Variants in MYO7B observed in about 807,000 individuals in gnomAD.
MYO7B encodes the protein myosin VIIB.
A neutral mutation model predicts 259.7 loss-of-function variants in MYO7B; 212 were observed. The observed-to-expected ratio is 0.82, with a 90% CI of 0.73 to 0.91. The LOEUF is 0.91. Among genes scored for constraint, MYO7B ranks in the 40% least tolerant of loss-of-function variants. The pLI, the probability that MYO7B is intolerant of heterozygous loss-of-function variation, is 0.00. For missense variants in MYO7B, 2,732 were observed against 2,813.5 expected (o/e 0.97, Z 0.66); for synonymous variants, 1,197 against 1,166.4 (o/e 1.03, Z -0.54).
At chr2:127,593,091 T>C (rs986231177) in intron 17 of MYO7B, 145 bp downstream of exon 17, 9 of 1,093,902 alleles carry the variant, frequency 8.2e-6, no homozygotes, top group African/African-American at 1.6e-5. Context: ...CCTCCCTCTC[T>C]CCTCCTCCCA....
chr2:127,634,510 G>A, intron 41 of MYO7B, 86 bp from the exon 42 acceptor site: 3 of 1,224,782 alleles, frequency 2.4e-6, no homozygotes, highest in East Asian at 2.5e-5. Flanking sequence ...CAGGCCGTAG[G>A]CGGCCACTGG....
chr2:127,632,872 T>A (rs1262141295), intron 39 of MYO7B, among the ~76,000 whole-genome samples: 2 of 152,182 alleles, frequency 1.3e-5, no homozygotes, highest in African/African-American at 4.8e-5. Flanking sequence ...GGAGTGGCCA[T>A]AATTTCAGTG....
rs376709560 is a variant in MYO7B, at chr2:127,575,383, A to C, written c.736-1212A>C. 5.3e-5 allele frequency among the ~76,000 whole-genome samples: 8 copies of C among 152,294 alleles called. No homozygotes were observed. In the East Asian group the frequency reaches 1.3e-3, roughly 26 times the overall value. On this transcript the variant is annotated intron_variant, in intron 7 of 47. Coordinates refer to ENST00000409816, the MANE Select transcript of MYO7B (RefSeq NM_001393586.1). ...TTGTCACCCAAAATGATACCCTGAAATGGGCAGGAAATTTCTAAAGCAGGT... is the reference window on the plus strand; with the variant it reads ...TTGTCACCCAAAATGATACCCTGAACTGGGCAGGAAATTTCTAAAGCAGGT...
chr2:127,592,929 A>T lies in MYO7B; in HGVS notation c.2128A>T (p.Asn710Tyr). ...FSQRFGVLLP[N>Y]AMRMQLQGKL... ...GCAGAGGTTCGGCGTGTTGCTGCCC[A>T]ACGCCATGCGGATGCAGGTCAGCGC... The change falls in exon 17 of 48, where the codon AAC (asparagine) becomes TAC (tyrosine). Residue 710 changes from asparagine to tyrosine, a missense_variant. Asn to Tyr is a moderately radical substitution (Grantham distance 143). Coordinates refer to ENST00000409816, the MANE Select transcript of MYO7B (RefSeq NM_001393586.1). 6.3e-7 allele frequency: 1 copy of T among 1,598,562 alleles called. No homozygotes were observed. Among genetic ancestry groups the T allele is most frequent in the Non-Finnish European group, 8.5e-7 (1 of 1,173,416 alleles).
intron 39 of MYO7B, 140 bp downstream of exon 39, chr2:127,632,541 G>T: frequency 8.5e-7 from 1 of 1,172,528 alleles, no homozygotes. Context: ...AGGCAGGATT[G>T]GGCCCCGAGC....
Position 127,607,579 on chromosome 2 carries a change from A to G in MYO7B, c.2643+155A>G, listed in dbSNP as rs969722537. ...CAAGCCAAGACGTTAAAATCTGTTC[A>G]ATTACTCAAGAGCACAGCAAGGATA... On this transcript the variant is annotated intron_variant, in intron 21 of 47. Coordinates refer to ENST00000409816, the MANE Select transcript of MYO7B (RefSeq NM_001393586.1). The surrounding 1 kb of genome is among the most constrained non-coding windows in gnomAD (Gnocchi z 4.4). Among the ~76,000 whole-genome samples the G allele has an allele frequency of 1.3e-5, 2 of 151,532 alleles. No individual in the cohort carries two copies. The highest frequency in any genetic ancestry group is 4.9e-5 in the African/African-American group (2 of 41,192).
rs1051530403 is a variant in MYO7B, at chr2:127,615,699, C to G, written c.3398+3096C>G. 6.6e-6 allele frequency among the ~76,000 whole-genome samples: 1 copy of G among 151,920 alleles called. No homozygotes were observed. Among genetic ancestry groups the G allele is most frequent in the African/African-American group, 2.4e-5 (1 of 41,344 alleles). On this transcript the variant is annotated intron_variant, in intron 26 of 47. Transcript: ENST00000409816. This position sits in a 1 kb window ranked among gnomAD's most constrained non-coding sequence, Gnocchi z 4.4. ...GGCCAACATTCTGCTTTTATGAGAA[C>G]AGTTTGCTGTTTGCTCATATAGCCT...
chr2:127,590,211 T>C lies in MYO7B; in HGVS notation c.1974T>C (p.Asn658=). 1 of 1,612,772 alleles carries C rather than the reference T, an allele frequency of 6.2e-7. No homozygotes were observed. The highest frequency in any genetic ancestry group is 8.5e-7 in the Non-Finnish European group (1 of 1,179,748). The part of the protein sequence containing the change: ...QPYFIRCIKP[N]EYKKPLLFDR... The stretch of plus-strand genomic sequence containing the variant: ...ACTTCATCCGCTGCATCAAACCTAA[T>C]GAGTACAAGAAGCCGCTGGTAATGA... The change falls in exon 16 of 48, where the codon AAT becomes AAC. Residue 658 remains asparagine (N), a synonymous_variant. Coordinates refer to ENST00000409816, the MANE Select transcript of MYO7B (RefSeq NM_001393586.1). This position sits in a 1 kb window ranked among gnomAD's most constrained non-coding sequence, Gnocchi z 4.6.
chr2:127,539,331 TG>T lies in MYO7B; in HGVS notation c.-24+3501del, dbSNP rs1692915707. 6.6e-6 allele frequency among the ~76,000 whole-genome samples: 1 copy of T among 152,204 alleles called. No individual in the cohort carries two copies. The highest frequency in any genetic ancestry group is 1.5e-5 in the Non-Finnish European group (1 of 68,034). Reference sequence around the variant, plus strand: ...TGTACATCAGAAAATCCCATATATTTGCTAGGCATAGACACAAAATTTGTTC... The same window carrying T: ...TGTACATCAGAAAATCCCATATATTTCTAGGCATAGACACAAAATTTGTTC... On this transcript the variant is annotated intron_variant, in intron 1 of 47. Transcript: ENST00000409816. This position sits in a 1 kb window ranked among gnomAD's most constrained non-coding sequence, Gnocchi z 4.0.
At chr2:127,578,014 G>C in intron 8 of MYO7B, 119 bp from the exon 9 acceptor site, 2 of 1,192,758 alleles carry the variant, frequency 1.7e-6, no homozygotes, top group South Asian at 3.0e-5. Flanking sequence ...GTTTTTGAGC[G>C]TGGACCCTAC....
chr2:127,596,389 CAG>C (rs1346391529), intron 18 of MYO7B, 71 bp from the exon 19 acceptor site: 1 of 1,244,404 alleles, frequency 8.0e-7, no homozygotes, highest in Admixed American at 1.9e-5. Flanking sequence ...CTTCGGGAGA[CAG>C]AGCCCTGGCC....
At chr2:127,617,492 T>TTTTG (rs1224375077) in intron 26 of MYO7B, among the ~76,000 whole-genome samples, 4 of 123,950 alleles carry the variant, frequency 3.2e-5, no homozygotes, top group African/African-American at 1.3e-4. Flanking sequence ...ACGGGGTTTT[T>TTTTG]TTTTTTTTTT....
At chr2:127,617,487 GTTTT>G (rs35542480) in intron 26 of MYO7B, among the ~76,000 whole-genome samples, 11 of 84,826 alleles carry the variant, frequency 1.3e-4, no homozygotes, top group African/African-American at 2.1e-4. Flanking sequence ...TTGTAACGGG[GTTTT>G]TTTTTTTTTT....
chr2:127,636,766 C>T lies in MYO7B; in HGVS notation c.6208-28C>T, dbSNP rs538288766. ...CACAGAGCCCGTGCTCTGGAGGCGT[C>T]CGGCCCACCCACCCTCTCTGCCCCC... On this transcript the variant is annotated intron_variant, in intron 46 of 47. Coordinates refer to ENST00000409816, the MANE Select transcript of MYO7B (RefSeq NM_001393586.1). This position sits in a 1 kb window ranked among gnomAD's most constrained non-coding sequence, Gnocchi z 4.5. 7.9e-5 allele frequency: 128 copies of T among 1,612,664 alleles called. No individual in the cohort carries two copies. Among genetic ancestry groups the T allele is most frequent in the Non-Finnish European group, 1.1e-4 (124 of 1,179,628 alleles).
At chr2:127,624,483 C>G (rs1478474513) in intron 30 of MYO7B, among the ~76,000 whole-genome samples, 163 bp downstream of exon 30, 2 of 152,228 alleles carry the variant, frequency 1.3e-5, no homozygotes, top group Admixed American at 1.3e-4. Flanking sequence ...GTTTCCTCCT[C>G]CCTTAGGCCA....
chr2:127,582,351 C>T lies in MYO7B; in HGVS notation c.1248C>T (p.Ala416=), dbSNP rs191641620. Residue 416 remains alanine, a synonymous_variant, in exon 12 of 48, where the codon GCC becomes GCT. Coordinates refer to ENST00000409816, the MANE Select transcript of MYO7B (RefSeq NM_001393586.1). ...TGTGGATTGTCAAGAAGATCAATGC[C>T]GCCATCTTCACACCACCAGCCCAGG... The part of the protein sequence containing the change: ...LFLWIVKKIN[A]AIFTPPAQDP... 23 of 1,613,332 alleles carry T rather than the reference C, an allele frequency of 1.4e-5. No homozygotes were observed. The East Asian group carries it at 1.6e-4, about 11-fold the overall frequency.
At position 127,633,436 on chromosome 2, in the gene MYO7B, C is replaced by T; in HGVS notation, c.5511+73C>T. The T allele has an allele frequency of 2.8e-6, 4 of 1,440,008 alleles. No individual in the cohort carries two copies. In the South Asian group the frequency reaches 4.8e-5, roughly 17 times the overall value. The allele number at this position is 1,440,008 out of a possible 1,614,324, so 89.2% of individuals were successfully genotyped here. On this transcript the variant is annotated intron_variant, in intron 40 of 47. Coordinates refer to ENST00000409816, the MANE Select transcript of MYO7B (RefSeq NM_001393586.1). ...CCATGGGGCATCCTCCTTCCTGGCC[C>T]AGCCTGCTCCTTGGTAACCCCAGAG... is the stretch of plus-strand genomic sequence containing the variant.
rs1281630389 is a variant in MYO7B at position 127,608,883 on chromosome 2, C to T, written c.2814+5C>T. ...CAGGCCTCGCCGCACTTTGAGGTAA[C>T]ACAAGCCTGGTGTCCACAATCCGCC... On this transcript the variant is annotated splice_donor_5th_base_variant and intron_variant, in intron 22 of 47. Coordinates refer to ENST00000409816, the MANE Select transcript of MYO7B (RefSeq NM_001393586.1). 6.2e-7 allele frequency: 1 copy of T among 1,610,852 alleles called. No homozygotes were observed. Among genetic ancestry groups the T allele is most frequent in the South Asian group, 1.1e-5 (1 of 90,668 alleles).
chr2:127,544,802 G>A (rs1468464856), intron 1 of MYO7B, among the ~76,000 whole-genome samples: 1 of 151,906 alleles, frequency 6.6e-6, no homozygotes, highest in Non-Finnish European at 1.5e-5. Context: ...GGATGGTCTC[G>A]ATCTCCTGAC....
Sources: gnomAD v4.1 joint callset for allele counts (sites outside exome capture counted in the v4.1 genomes callset) on GRCh38, gnomAD v4.1.1 for gene constraint, Gnocchi (gnomAD v3.1) non-coding constraint, MANE v1.5 for transcripts, NCBI Gene and HGNC (gene_info 2026-07-23, HGNC 2026-07-21) for gene names.